Variants in SIPA1L1 observed in about 807,000 individuals in gnomAD.
The protein encoded by SIPA1L1 is signal induced proliferation associated 1 like 1.
Under a neutral mutation model 162.7 loss-of-function variants are expected in SIPA1L1, and 26 were observed. That is an observed-to-expected ratio of 0.16 (90% CI 0.12 to 0.22). The LOEUF (loss-of-function observed/expected upper bound fraction) is 0.22, where lower values mean the gene tolerates loss of function less well. Among genes scored for constraint, SIPA1L1 ranks in the 10% least tolerant of loss-of-function variants. The probability of loss-of-function intolerance (pLI) is 1.00; values close to 1 mark genes in which losing one functional copy is unlikely to be tolerated. For missense variants in SIPA1L1, 1,874 were observed against 2,241.0 expected (o/e 0.84, Z 3.31); for synonymous variants, 829 against 837.4 (o/e 0.99, Z 0.17).
intron 2 of SIPA1L1, among the ~76,000 whole-genome samples, chr14:71,440,170 C>T (rs542178315): frequency 1.8e-4 from 27 of 152,118 alleles, no homozygotes; most frequent in African/African-American, 5.5e-4. Context: ...GGACTACAGG[C>T]GTGCATCACC....
At chr14:71,648,142 T>C (rs898996801) in intron 7 of SIPA1L1, among the ~76,000 whole-genome samples, 1 of 151,968 alleles carries the variant, frequency 6.6e-6, no homozygotes, top group Admixed American at 6.6e-5. Context: ...ATACAAAAAT[T>C]AGCCAGGCCT....
chr14:71,327,862 A>T (rs8013622), intron 2 of SIPA1L1, among the ~76,000 whole-genome samples: 5,404 of 152,244 alleles, frequency 0.035, 166 homozygotes, highest in African/African-American at 0.069. Context: ...TATTTGACAT[A>T]CGAAGAGAGT....
intron 7 of SIPA1L1, among the ~76,000 whole-genome samples, chr14:71,642,108 A>G (rs533409223): frequency 6.6e-6 from 1 of 152,340 alleles, no homozygotes; most frequent in Non-Finnish European, 1.5e-5. Context: ...TCCACCTGAA[A>G]CAACTTAAAA....
intron 3 of SIPA1L1, among the ~76,000 whole-genome samples, chr14:71,515,812 G>T (rs2051665683): frequency 6.6e-6 from 1 of 151,932 alleles, no homozygotes; most frequent in Non-Finnish European, 1.5e-5. Context: ...TAATTTTTTT[G>T]TTGTTGTTTA....
In SIPA1L1 at chr14:71,451,466, T is replaced by G. The variant is rs141004089; in HGVS notation, c.-464-61277T>G. Reference sequence around the variant, plus strand: ...CTGGGCCATATAGTGAGACCTTGTCTCTACAAAAAAATTTTAAAATTACCC... The same window carrying G: ...CTGGGCCATATAGTGAGACCTTGTCGCTACAAAAAAATTTTAAAATTACCC... On this transcript the variant is annotated intron_variant, in intron 2 of 23. Transcript: ENST00000381232. Among the ~76,000 whole-genome samples, 213 of 151,732 alleles carry G rather than the reference T, an allele frequency of 1.4e-3. 6 individuals are homozygous for G. The South Asian group carries it at 0.025, about 18-fold the overall frequency.
Position 71,657,575 on chromosome 14 carries a change from G to A in SIPA1L1, c.1994-758G>A, listed in dbSNP as rs144631262. Among the ~76,000 whole-genome samples the A allele has an allele frequency of 7.1e-3, 1,075 of 151,544 alleles. 6 individuals are homozygous for A. The highest frequency in any genetic ancestry group is 0.012 in the Non-Finnish European group (818 of 67,876). On this transcript the variant is annotated intron_variant, in intron 8 of 23. Coordinates refer to ENST00000381232, the MANE Select transcript of SIPA1L1 (RefSeq NM_001386936.1). ...GCAGTAGAGGTTTTTTTTTTCTTAA[G>A]GAAAGTGAGAACACAACATGCTTAA... is the stretch of plus-strand genomic sequence containing the variant.
chr14:71,424,409 G>C (rs1378485814), intron 2 of SIPA1L1, among the ~76,000 whole-genome samples: 1 of 151,938 alleles, frequency 6.6e-6, no homozygotes, highest in Non-Finnish European at 1.5e-5. Context: ...GTTTGCAACT[G>C]GTTTTTCATA....
chr14:71,574,933 C>T (rs1355691163), intron 4 of SIPA1L1: 1 of 151,128 alleles, frequency 6.6e-6, no homozygotes, highest in Non-Finnish European at 1.5e-5. Context: ...TGCATATGTG[C>T]ATAGTTTTTA....
chr14:71,347,932 G>A (rs117309544), intron 2 of SIPA1L1, among the ~76,000 whole-genome samples: 2 of 152,214 alleles, frequency 1.3e-5, no homozygotes, highest in Non-Finnish European at 2.9e-5. Flanking sequence ...TCTGTGGGTT[G>A]TCTTTCTATT....
At chr14:71,559,065 C>CTT (rs113879891) in intron 4 of SIPA1L1, among the ~76,000 whole-genome samples, 15 of 141,264 alleles carry the variant, frequency 1.1e-4, no homozygotes, top group Admixed American at 1.4e-4. Flanking sequence ...TTCAGCTTTA[C>CTT]TTTTTTTTTT....
At chr14:71,623,957 G>A (rs2039711912) in intron 6 of SIPA1L1, 91 bp from the exon 7 acceptor site, 1 of 1,054,074 alleles carries the variant, frequency 9.5e-7, no homozygotes, top group East Asian at 2.5e-5. Context: ...GCTCTGTGAG[G>A]AGCCCCACAG....
intron 2 of SIPA1L1, among the ~76,000 whole-genome samples, chr14:71,511,185 A>G (rs2051117654): frequency 1.3e-5 from 2 of 152,202 alleles, no homozygotes; most frequent in South Asian, 4.1e-4. Flanking sequence ...AGTGTGACAT[A>G]AGAAGTATAT....
chr14:71,608,723 C>T (rs1262757233), intron 5 of SIPA1L1, among the ~76,000 whole-genome samples: 8 of 151,984 alleles, frequency 5.3e-5, no homozygotes, highest in Non-Finnish European at 8.8e-5. Context: ...GGTGAAACCC[C>T]GTCTCTACTA....
chr14:71,703,320 T>A (rs931940568), intron 15 of SIPA1L1, among the ~76,000 whole-genome samples: 1 of 152,224 alleles, frequency 6.6e-6, no homozygotes, highest in Non-Finnish European at 1.5e-5. Flanking sequence ...GATAATCTTA[T>A]AAGACAAGAC....
chr14:71,478,825 T>C (rs1351733623), intron 2 of SIPA1L1, among the ~76,000 whole-genome samples: 1 of 152,180 alleles, frequency 6.6e-6, no homozygotes, highest in Non-Finnish European at 1.5e-5. Context: ...AGATGTTTGC[T>C]CCTACATCTT....
intron 2 of SIPA1L1, among the ~76,000 whole-genome samples, chr14:71,391,655 C>T (rs34524083): frequency 0.16 from 24,832 of 152,118 alleles, 2,642 homozygotes; most frequent in Middle Eastern, 0.34. Flanking sequence ...CTTAATGTGC[C>T]TATGGTACTC....
chr14:71,657,674 CTTTT>C (rs11320179), intron 8 of SIPA1L1, among the ~76,000 whole-genome samples: 3 of 144,062 alleles, frequency 2.1e-5, no homozygotes, highest in African/African-American at 7.7e-5. Context: ...AAATTATTGT[CTTTT>C]TTTTTTTTTT....
chr14:71,548,611 A>G (rs372925776), intron 4 of SIPA1L1, among the ~76,000 whole-genome samples: 3 of 152,212 alleles, frequency 2.0e-5, no homozygotes, highest in South Asian at 4.2e-4. Flanking sequence ...TAAAAATGAA[A>G]TGAGGCCGGA....
chr14:71,359,248 T>C (rs1003078747), intron 2 of SIPA1L1, among the ~76,000 whole-genome samples: 8 of 152,214 alleles, frequency 5.3e-5, no homozygotes, highest in Admixed American at 3.3e-4. Context: ...GCACACGCTC[T>C]CTTGCCTGCC....
Sources: allele counts gnomAD v4.1 joint callset (sites outside exome capture counted in the v4.1 genomes callset), GRCh38; gene constraint gnomAD v4.1.1; transcripts MANE v1.5; gene names NCBI Gene and HGNC (gene_info 2026-07-23, HGNC 2026-07-21).